Variants in KCNQ5 observed in about 807,000 individuals in gnomAD.
KCNQ5 encodes potassium voltage-gated channel subfamily Q member 5.
A neutral mutation model predicts 98.2 loss-of-function variants in KCNQ5; 30 were observed. The ratio of observed to expected loss-of-function variants is 0.31; its 90% CI spans 0.23 to 0.41. KCNQ5 has a LOEUF of 0.41. KCNQ5 is among the 10% of genes least tolerant of loss of function. The pLI is 1.00. For synonymous variants in KCNQ5, 458 were observed against 449.4 expected (o/e 1.02, Z -0.24); for missense variants, 835 against 1,182.5 (o/e 0.71, Z 4.31).
In KCNQ5 at chr6:73,041,063, T is replaced by C. The variant is rs76701370; in HGVS notation, c.490-873T>C. On this transcript the variant is annotated intron_variant, in intron 2 of 13. Transcript: ENST00000370398. ...GTTTTAAAACAAGAAAGTGAATTAT[T>C]TTTTAAAGGAAAAACAATTTTGATA... Among the ~76,000 whole-genome samples, 3 of 152,346 alleles carry C rather than the reference T, an allele frequency of 2.0e-5. No individual in the cohort carries two copies. In the East Asian group the frequency reaches 5.8e-4, roughly 29 times the overall value.
At chr6:72,898,632 C>T (rs1428897260) in intron 1 of KCNQ5, among the ~76,000 whole-genome samples, 2 of 152,266 alleles carry the variant, frequency 1.3e-5, no homozygotes, top group Middle Eastern at 3.4e-3. Flanking sequence ...CTGCAATAAA[C>T]GTAAGTGTGC....
At chr6:73,005,548 C>T (rs1458033883) in intron 2 of KCNQ5, among the ~76,000 whole-genome samples, 2 of 152,184 alleles carry the variant, frequency 1.3e-5, no homozygotes, top group African/African-American at 4.8e-5. Flanking sequence ...TAAATTCTGT[C>T]ATTGCTAATG....
intron 3 of KCNQ5, among the ~76,000 whole-genome samples, chr6:73,063,258 G>A (rs1772863630): frequency 6.6e-6 from 1 of 152,174 alleles, no homozygotes. Context: ...AATTGATAAT[G>A]AAAAGAAAGT....
chr6:73,110,693 C>T (rs997986505), intron 6 of KCNQ5, among the ~76,000 whole-genome samples: 1 of 152,146 alleles, frequency 6.6e-6, no homozygotes, highest in African/African-American at 2.4e-5. Flanking sequence ...AGTATCCCTG[C>T]TCTCCATTTT....
chr6:72,927,380 A>G (rs551507614), intron 1 of KCNQ5, among the ~76,000 whole-genome samples: 3 of 152,268 alleles, frequency 2.0e-5, no homozygotes, highest in Admixed American at 6.5e-5. Context: ...ATTTGTTTAT[A>G]CTACAAATCG....
chr6:72,994,997 C>T (rs1191686903), intron 1 of KCNQ5, among the ~76,000 whole-genome samples: 1 of 151,952 alleles, frequency 6.6e-6, no homozygotes, highest in East Asian at 1.9e-4. Context: ...AAATAGGAGG[C>T]CCTGGGCTTT....
At chr6:73,023,878 G>A (rs1035447347) in intron 2 of KCNQ5, among the ~76,000 whole-genome samples, 5 of 152,054 alleles carry the variant, frequency 3.3e-5, no homozygotes, top group African/African-American at 1.2e-4. Flanking sequence ...CCTAATCTAG[G>A]ATAAAAAACC....
chr6:73,186,318 A>G (rs567728531), intron 11 of KCNQ5, among the ~76,000 whole-genome samples: 1 of 152,300 alleles, frequency 6.6e-6, no homozygotes, highest in East Asian at 1.9e-4. Context: ...GAACTTTCAT[A>G]TCTCACTTTG....
chr6:73,083,320 C>T (rs1773855781), intron 5 of KCNQ5, among the ~76,000 whole-genome samples: 1 of 152,090 alleles, frequency 6.6e-6, no homozygotes, highest in Non-Finnish European at 1.5e-5. Context: ...AAATAGAATG[C>T]TTTAGAAAAG....
chr6:73,176,154 G>A (rs1019436326), intron 11 of KCNQ5, among the ~76,000 whole-genome samples: 2 of 152,232 alleles, frequency 1.3e-5, no homozygotes, highest in Non-Finnish European at 2.9e-5. Flanking sequence ...GTTTGGATCT[G>A]TGTCCTTGCC....
At chr6:72,881,942 C>T (rs1157941644) in intron 1 of KCNQ5, among the ~76,000 whole-genome samples, 3 of 152,172 alleles carry the variant, frequency 2.0e-5, no homozygotes, top group African/African-American at 7.2e-5. Flanking sequence ...CTGCCCGCCT[C>T]GACCTCCCAA....
intron 1 of KCNQ5, among the ~76,000 whole-genome samples, chr6:72,821,192 G>A (rs1368476619): frequency 6.6e-6 from 1 of 152,158 alleles, no homozygotes; most frequent in Non-Finnish European, 1.5e-5. Flanking sequence ...AATGGTGGTA[G>A]AATATTTGGC....
At chr6:73,149,789 T>A (rs1582447329) in intron 10 of KCNQ5, among the ~76,000 whole-genome samples, 4 of 99,642 alleles carry the variant, frequency 4.0e-5, no homozygotes, top group Admixed American at 1.3e-4. Flanking sequence ...AGTGGGAGAC[T>A]CCGAAAAAAA....
At chr6:72,669,910 C>CTTTTTTTT (rs541665177) in intron 1 of KCNQ5, among the ~76,000 whole-genome samples, 5,084 of 133,810 alleles carry the variant, frequency 0.038, 55 homozygotes, top group Middle Eastern at 0.062. Flanking sequence ...ACTTTCTTTC[C>CTTTTTTTT]TTTTTTTTTT....
At chr6:72,759,958 G>C (rs1203675848) in intron 1 of KCNQ5, among the ~76,000 whole-genome samples, 2 of 152,054 alleles carry the variant, frequency 1.3e-5, no homozygotes, top group Admixed American at 1.3e-4. Flanking sequence ...GAAGAAAATA[G>C]ATAAGATGTG....
chr6:72,821,494 A>G (rs1477203597), intron 1 of KCNQ5, among the ~76,000 whole-genome samples: 4 of 152,186 alleles, frequency 2.6e-5, no homozygotes, highest in African/African-American at 7.2e-5. Flanking sequence ...TCTTGTTACT[A>G]TGGAAGACAT....
At chr6:73,175,422 G>A (rs1778177123) in intron 11 of KCNQ5, among the ~76,000 whole-genome samples, 1 of 152,100 alleles carries the variant, frequency 6.6e-6, no homozygotes, top group African/African-American at 2.4e-5. Context: ...TAAGTGCTGG[G>A]ATTACAGACA....
intron 1 of KCNQ5, among the ~76,000 whole-genome samples, chr6:72,827,032 T>C (rs1776030186): frequency 6.6e-6 from 1 of 152,156 alleles, no homozygotes; most frequent in South Asian, 2.1e-4. Flanking sequence ...CAGTTCCATC[T>C]ATGTTGCTAT....
intron 1 of KCNQ5, among the ~76,000 whole-genome samples, chr6:72,885,004 C>A (rs1166443637): frequency 6.6e-6 from 1 of 152,136 alleles, no homozygotes. Flanking sequence ...CAAGTCACTT[C>A]TCTCAGCCTC....
Sources: allele counts gnomAD v4.1 joint callset (sites outside exome capture counted in the v4.1 genomes callset), GRCh38; gene constraint gnomAD v4.1.1; transcripts MANE v1.5; gene names NCBI Gene and HGNC (gene_info 2026-07-23, HGNC 2026-07-21).